Variants in SIPA1L1 observed in about 807,000 individuals in gnomAD.
SIPA1L1 encodes the protein signal induced proliferation associated 1 like 1.
Under a neutral mutation model 162.7 loss-of-function variants are expected in SIPA1L1, and 26 were observed. The observed-to-expected ratio is 0.16, with a 90% CI of 0.12 to 0.22. The LOEUF is 0.22. SIPA1L1 is among the 10% of genes least tolerant of loss of function. The pLI is 1.00. For missense variants in SIPA1L1, 1,874 were observed against 2,241.0 expected (o/e 0.84, Z 3.31); for synonymous variants, 829 against 837.4 (o/e 0.99, Z 0.17).
At chr14:71,438,475 C>T (rs570384023) in intron 2 of SIPA1L1, among the ~76,000 whole-genome samples, 5 of 152,322 alleles carry the variant, frequency 3.3e-5, no homozygotes, top group South Asian at 2.1e-4. Flanking sequence ...TTTTGTTCTT[C>T]GTTCCTTTTT....
chr14:71,513,684 G>A (rs2051402271), intron 3 of SIPA1L1, among the ~76,000 whole-genome samples: 1 of 152,030 alleles, frequency 6.6e-6, no homozygotes, highest in South Asian at 2.1e-4. Context: ...ATAGAAATGG[G>A]GTCTTGCTAT....
At chr14:71,396,538 A>T (rs1480493867) in intron 2 of SIPA1L1, among the ~76,000 whole-genome samples, 1 of 152,160 alleles carries the variant, frequency 6.6e-6, no homozygotes, top group Non-Finnish European at 1.5e-5. Context: ...TCAGTCCGTT[A>T]ATCTTTAGAA....
chr14:71,565,488 G>C (rs534425295), intron 4 of SIPA1L1, among the ~76,000 whole-genome samples: 1 of 152,288 alleles, frequency 6.6e-6, no homozygotes, highest in South Asian at 2.1e-4. Flanking sequence ...TGCATTTCAA[G>C]AATAATTTTG....
chr14:71,624,262 AT>A, intron 7 of SIPA1L1, 26 bp downstream of exon 7: 1 of 1,576,378 alleles, frequency 6.3e-7, no homozygotes, highest in Non-Finnish European at 8.7e-7. Flanking sequence ...TGAGGAGAGC[AT>A]TCTTGCTCAG....
chr14:71,550,325 G>T (rs1035272071), intron 4 of SIPA1L1, among the ~76,000 whole-genome samples: 1 of 152,106 alleles, frequency 6.6e-6, no homozygotes, highest in Non-Finnish European at 1.5e-5. Flanking sequence ...CATGCAGCTG[G>T]GTTTCTCTGT....
chr14:71,341,076 A>G (rs2035603767), intron 2 of SIPA1L1, among the ~76,000 whole-genome samples: 1 of 152,268 alleles, frequency 6.6e-6, no homozygotes, highest in African/African-American at 2.4e-5. Context: ...CTTTCTGGCC[A>G]ACAGAACTTA....
Position 71,698,990 on chromosome 14 carries a change from T to G in SIPA1L1, c.3384T>G (p.Pro1128=). Residue 1128 remains proline, a synonymous_variant, in exon 14 of 24, where the codon CCT becomes CCG. Coordinates refer to ENST00000381232, the MANE Select transcript of SIPA1L1 (RefSeq NM_001386936.1). ...TGTATTGCACATGCAGGCTGTCTCC[T>G]GGTTCGGACATCTATGTGACGGTCT... is the stretch of plus-strand genomic sequence containing the variant. ...DGRPLERRLS[P]GSDIYVTVSS... The G allele has an allele frequency of 1.9e-6, 3 of 1,614,258 alleles. No homozygotes were observed. Among genetic ancestry groups the G allele is most frequent in the Non-Finnish European group, 2.5e-6 (3 of 1,180,034 alleles).
intron 14 of SIPA1L1, among the ~76,000 whole-genome samples, chr14:71,701,035 G>A (rs942477223): frequency 3.0e-3 from 309 of 102,438 alleles, no homozygotes; most frequent in African/African-American, 4.8e-3. Flanking sequence ...AAAAAAAAAA[G>A]TTTTATTAAG....
rs200762697 is a variant in SIPA1L1 at position 71,544,161 on chromosome 14, ATG to A, written c.-303+14793_-303+14794del. Among the ~76,000 whole-genome samples, 1,143 of 143,392 alleles carry A rather than the reference ATG, an allele frequency of 8.0e-3. 9 individuals carry two copies. Among genetic ancestry groups the A allele is most frequent in the Non-Finnish European group, 0.013 (811 of 63,858 alleles). 94.1% of individuals were successfully genotyped at this position (143,392 alleles called of 152,430 possible). On this transcript the variant is annotated intron_variant, in intron 4 of 23. Coordinates refer to ENST00000381232, the MANE Select transcript of SIPA1L1 (RefSeq NM_001386936.1). ...TATACATATATGCACGTGTGTGTATATGTACATATATGCACGTGTGTGTATAT... is the reference window on the plus strand; with the variant it reads ...TATACATATATGCACGTGTGTGTATATACATATATGCACGTGTGTGTATAT...
chr14:71,733,857 GGAGTGAGCA>G, intron 21 of SIPA1L1, 45 bp downstream of exon 21: 1 of 1,586,486 alleles, frequency 6.3e-7, no homozygotes, highest in Non-Finnish European at 8.6e-7. Context: ...ATCCTGCAGC[GGAGTGAGCA>G]GTCTCCATCC....
At chr14:71,564,710 C>T (rs1395201144) in intron 4 of SIPA1L1, among the ~76,000 whole-genome samples, 3 of 151,960 alleles carry the variant, frequency 2.0e-5, no homozygotes, top group Non-Finnish European at 4.4e-5. Context: ...AGGCTGGTCT[C>T]GAACTCCTGA....
chr14:71,395,821 G>T (rs35950709), intron 2 of SIPA1L1, among the ~76,000 whole-genome samples: 1,917 of 152,230 alleles, frequency 0.013, 16 homozygotes, highest in South Asian at 0.023. Flanking sequence ...AAAACTATGC[G>T]CCAAGTACTT....
chr14:71,462,324 A>C (rs552050662), intron 2 of SIPA1L1, among the ~76,000 whole-genome samples: 40 of 152,284 alleles, frequency 2.6e-4, no homozygotes, highest in Middle Eastern at 3.4e-3. Flanking sequence ...CACTTCAAGC[A>C]CTAGTGGATC....
At chr14:71,679,771 G>C (rs1234271122) in intron 12 of SIPA1L1, among the ~76,000 whole-genome samples, 1 of 152,074 alleles carries the variant, frequency 6.6e-6, no homozygotes, top group Admixed American at 6.5e-5. Context: ...AAAAAAGGCA[G>C]GGGTTGCAAT....
At chr14:71,633,126 T>C (rs1483073915) in intron 7 of SIPA1L1, among the ~76,000 whole-genome samples, 1 of 126,716 alleles carries the variant, frequency 7.9e-6, no homozygotes, top group African/African-American at 3.3e-5. Flanking sequence ...TGTTATGTTA[T>C]GTTATGTTAT....
chr14:71,582,328 C>T (rs776330600), intron 4 of SIPA1L1, among the ~76,000 whole-genome samples: 1 of 152,050 alleles, frequency 6.6e-6, no homozygotes, highest in Non-Finnish European at 1.5e-5. Context: ...GAGCAAGACC[C>T]TGTCTCAAAT....
At chr14:71,647,766 A>G (rs1378944728) in intron 7 of SIPA1L1, among the ~76,000 whole-genome samples, 1 of 152,218 alleles carries the variant, frequency 6.6e-6, no homozygotes, top group African/African-American at 2.4e-5. Context: ...ACTTAGCTCA[A>G]TTCTAAAGCC....
At chr14:71,722,604 C>T (rs1015539759) in intron 17 of SIPA1L1, among the ~76,000 whole-genome samples, 1 of 152,150 alleles carries the variant, frequency 6.6e-6, no homozygotes, top group Non-Finnish European at 1.5e-5. Flanking sequence ...CAGTTAAAGG[C>T]CTTCCACTTT....
At chr14:71,413,096 AAGAT>A (rs2042521385) in intron 2 of SIPA1L1, among the ~76,000 whole-genome samples, 1 of 152,170 alleles carries the variant, frequency 6.6e-6, no homozygotes, top group Non-Finnish European at 1.5e-5. Context: ...TGTGCATTGT[AAGAT>A]GTTTAGTGGC....
Sources: allele counts gnomAD v4.1 joint callset (sites outside exome capture counted in the v4.1 genomes callset), GRCh38; gene constraint gnomAD v4.1.1; transcripts MANE v1.5; gene names NCBI Gene and HGNC (gene_info 2026-07-23, HGNC 2026-07-21).